Variants in PTPRD observed in about 807,000 individuals in gnomAD.
The protein encoded by PTPRD is protein tyrosine phosphatase receptor type D, also known as receptor-type tyrosine-protein phosphatase delta.
In PTPRD, 34 loss-of-function variants were observed where a neutral mutation model predicts 214.5. The observed-to-expected ratio is 0.16, with a 90% CI of 0.12 to 0.21. PTPRD has a LOEUF of 0.21. Among genes scored for constraint, PTPRD ranks in the 10% least tolerant of loss-of-function variants. PTPRD has a pLI of 1.00. For missense variants in PTPRD, 2,545 were observed against 2,398.7 expected (o/e 1.06, Z -1.27); for synonymous variants, 1,128 against 845.7 (o/e 1.33, Z -5.79).
chr9:10,189,860 A>C (rs1402798147), intron 3 of PTPRD, among the ~76,000 whole-genome samples: 1 of 152,126 alleles, frequency 6.6e-6, no homozygotes, highest in Admixed American at 6.6e-5. Context: ...GGAATGGGAG[A>C]GAGAGTTTTC....
At chr9:9,487,134 T>C (rs1298793979) in intron 8 of PTPRD, among the ~76,000 whole-genome samples, 2 of 152,184 alleles carry the variant, frequency 1.3e-5, no homozygotes, top group African/African-American at 2.4e-5. Flanking sequence ...TATGTATACA[T>C]GTGCCATGTT....
At chr9:9,697,858 C>T (rs1435267866) in intron 7 of PTPRD, among the ~76,000 whole-genome samples, 1 of 151,804 alleles carries the variant, frequency 6.6e-6, no homozygotes, top group African/African-American at 2.4e-5. Flanking sequence ...ATTATTTTTC[C>T]TCTTTGTGTA....
In PTPRD at chr9:9,712,958, C is replaced by G. The variant is rs112352514; in HGVS notation, c.-287+21575G>C. On this transcript the variant is annotated intron_variant, in intron 7 of 45. Transcript: ENST00000381196. The stretch of plus-strand genomic sequence containing the variant: ...AATACACAAAACATTAATGAAAAAA[C>G]TCATTTGCTAAATCAGTCGCTAATC... Among the ~76,000 whole-genome samples the G allele has an allele frequency of 7.2e-5, 11 of 152,276 alleles. No homozygotes were observed. The East Asian group carries it at 1.7e-3, about 24-fold the overall frequency.
At chr9:10,278,843 C>T (rs145528230) in intron 3 of PTPRD, among the ~76,000 whole-genome samples, 15 of 151,992 alleles carry the variant, frequency 9.9e-5, no homozygotes, top group Admixed American at 4.6e-4. Flanking sequence ...AGCGCGATCT[C>T]GGCTCACTGC....
chr9:10,247,535 C>A (rs1028891915), intron 3 of PTPRD, among the ~76,000 whole-genome samples: 1 of 152,142 alleles, frequency 6.6e-6, no homozygotes, highest in East Asian at 1.9e-4. Context: ...TGATCCAACA[C>A]TTTATAAATT....
intron 12 of PTPRD, among the ~76,000 whole-genome samples, chr9:8,688,997 A>G (rs2097752033): frequency 6.6e-6 from 1 of 152,212 alleles, no homozygotes; most frequent in Non-Finnish European, 1.5e-5. Context: ...ATGAGAAACT[A>G]ATACAGGGGC....
intron 30 of PTPRD, among the ~76,000 whole-genome samples, chr9:8,483,112 C>T (rs1357910519): frequency 6.6e-6 from 1 of 152,084 alleles, no homozygotes; most frequent in African/African-American, 2.4e-5. Flanking sequence ...ATACTTTTTT[C>T]TTCTATTAGT....
chr9:8,505,624 C>CAAAAAAAAA (rs954059567), intron 22 of PTPRD, among the ~76,000 whole-genome samples: 6 of 55,646 alleles, frequency 1.1e-4, no homozygotes, highest in Non-Finnish European at 1.0e-4. Flanking sequence ...GACTCTGTCT[C>CAAAAAAAAA]AAAAAAAAAA....
intron 6 of PTPRD, among the ~76,000 whole-genome samples, chr9:9,737,913 C>T (rs946699016): frequency 1.3e-5 from 2 of 152,156 alleles, no homozygotes; most frequent in Non-Finnish European, 1.5e-5. Context: ...CTGTCTTCCA[C>T]AGCAACTGCA....
intron 3 of PTPRD, among the ~76,000 whole-genome samples, chr9:10,257,491 T>C (rs1477661573): frequency 2.0e-5 from 3 of 152,136 alleles, no homozygotes; most frequent in Non-Finnish European, 2.9e-5. Context: ...ATGCATCATA[T>C]CCAATTGATT....
intron 2 of PTPRD, among the ~76,000 whole-genome samples, chr9:10,449,456 G>T (rs919715589): frequency 6.6e-6 from 1 of 151,796 alleles, no homozygotes; most frequent in Non-Finnish European, 1.5e-5. Flanking sequence ...CCGCCCGGCG[G>T]CCACCCCGTC....
chr9:8,553,877 C>T (rs1033728918), intron 14 of PTPRD, among the ~76,000 whole-genome samples: 4 of 152,106 alleles, frequency 2.6e-5, no homozygotes, highest in South Asian at 4.1e-4. Flanking sequence ...CAGTCTCTTA[C>T]GAAATTCAGA....
chr9:10,289,608 A>G (rs1310896590), intron 3 of PTPRD, among the ~76,000 whole-genome samples: 1 of 152,208 alleles, frequency 6.6e-6, no homozygotes, highest in Non-Finnish European at 1.5e-5. Context: ...TAATTAGGAA[A>G]AAGAAGAGAA....
intron 12 of PTPRD, among the ~76,000 whole-genome samples, chr9:8,689,108 G>C (rs919048393): frequency 1.3e-5 from 2 of 152,080 alleles, no homozygotes; most frequent in African/African-American, 4.8e-5. Flanking sequence ...AAATCAGGCT[G>C]GGCAATCACT....
intron 8 of PTPRD, among the ~76,000 whole-genome samples, chr9:9,505,138 A>G (rs527334805): frequency 7.9e-5 from 12 of 151,678 alleles, no homozygotes; most frequent in South Asian, 6.2e-4. Context: ...TTCCTTTGAT[A>G]TAGGTATTTC....
chr9:9,540,546 G>C (rs1472975600), intron 8 of PTPRD, among the ~76,000 whole-genome samples: 1 of 151,592 alleles, frequency 6.6e-6, no homozygotes, highest in Non-Finnish European at 1.5e-5. Context: ...CCAGAACAAG[G>C]GACATTTAGA....
chr9:9,455,856 A>G (rs1335113754), intron 8 of PTPRD, among the ~76,000 whole-genome samples: 1 of 151,796 alleles, frequency 6.6e-6, no homozygotes, highest in African/African-American at 2.4e-5. Flanking sequence ...ATGCTACTAG[A>G]GCAGGGAAAG....
intron 5 of PTPRD, among the ~76,000 whole-genome samples, chr9:9,857,042 G>A (rs2061688618): frequency 6.6e-6 from 1 of 152,056 alleles, no homozygotes; most frequent in Non-Finnish European, 1.5e-5. Context: ...AGGCACTTTG[G>A]TTACAGCCCT....
At chr9:10,610,590 T>G (rs758219760) in intron 2 of PTPRD, among the ~76,000 whole-genome samples, 4 of 152,016 alleles carry the variant, frequency 2.6e-5, no homozygotes, top group Non-Finnish European at 4.4e-5. Context: ...ATAATCCAAA[T>G]CTGATCAGCC....
Sources: gnomAD v4.1 joint callset for allele counts (sites outside exome capture counted in the v4.1 genomes callset) on GRCh38, gnomAD v4.1.1 for gene constraint, MANE v1.5 for transcripts, NCBI Gene and HGNC (gene_info 2026-07-23, HGNC 2026-07-21) for gene names.